The following NCOA2 variants were observed in gnomAD, a reference collection of about 807,000 sequenced individuals.
NCOA2 encodes class E basic helix-loop-helix protein 75.
Under a neutral mutation model 145.1 loss-of-function variants are expected in NCOA2, and 21 were observed. The ratio of observed to expected loss-of-function variants is 0.14; its 90% CI spans 0.10 to 0.21. The LOEUF is 0.21. Ranked by LOEUF, NCOA2 falls within the 10% of genes least tolerant of loss-of-function variation. The pLI, the probability that NCOA2 is intolerant of heterozygous loss-of-function variation, is 1.00. For missense variants in NCOA2, 1,472 were observed against 1,837.6 expected, an observed-to-expected ratio of 0.80 and a Z score of 3.64; for synonymous variants, 619 against 637.5, an observed-to-expected ratio of 0.97 and a Z score of 0.44.
intron 1 of NCOA2, among the ~76,000 whole-genome samples, chr8:70,400,530 C>CA (rs1814137145): frequency 1.3e-5 from 2 of 152,062 alleles, no homozygotes; most frequent in Non-Finnish European, 2.9e-5. Flanking sequence ...GGGCATATGT[C>CA]AGAGTGCCCA....
At chr8:70,341,911 A>G (rs1488577839) in intron 1 of NCOA2, among the ~76,000 whole-genome samples, 1 of 152,226 alleles carries the variant, frequency 6.6e-6, no homozygotes, top group Admixed American at 6.5e-5. Context: ...GCCATATTCC[A>G]TACAAAAACT....
intron 12 of NCOA2, among the ~76,000 whole-genome samples, chr8:70,146,847 C>T (rs998966626): frequency 1.4e-4 from 21 of 152,022 alleles, no homozygotes; most frequent in Admixed American, 1.3e-3. Flanking sequence ...AGGCGCCCAC[C>T]ATCATGCCCA....
intron 1 of NCOA2, among the ~76,000 whole-genome samples, chr8:70,363,650 A>G (rs1198777856): frequency 6.6e-6 from 1 of 152,202 alleles, no homozygotes; most frequent in Non-Finnish European, 1.5e-5. Context: ...CAGACTCAAA[A>G]GACTGTAGGA....
intron 22 of NCOA2, among the ~76,000 whole-genome samples, chr8:70,119,873 CTT>C (rs34652365): frequency 4.9e-5 from 7 of 144,162 alleles, no homozygotes; most frequent in Non-Finnish European, 3.1e-5. Flanking sequence ...CCTTTGTCCA[CTT>C]TTTTTTTTTT....
At chr8:70,273,691 A>G in intron 2 of NCOA2, 1 of 648,618 alleles carries the variant, frequency 1.5e-6, no homozygotes, top group African/African-American at 1.8e-5. Context: ...AGCTTGGTGC[A>G]GGCAGTCTGA....
At chr8:70,220,358 T>C (rs531001518) in intron 2 of NCOA2, among the ~76,000 whole-genome samples, 2 of 152,312 alleles carry the variant, frequency 1.3e-5, no homozygotes, top group African/African-American at 2.4e-5. Context: ...ATTACAGTCA[T>C]TGAGAGCAAA....
At chr8:70,176,306 T>C (rs976355203) in intron 4 of NCOA2, among the ~76,000 whole-genome samples, 2 of 152,218 alleles carry the variant, frequency 1.3e-5, no homozygotes, top group African/African-American at 2.4e-5. Flanking sequence ...GATTCACCTC[T>C]TTAGATCGAA....
chr8:70,399,859 T>C (rs1461963667), intron 1 of NCOA2, among the ~76,000 whole-genome samples: 1 of 152,202 alleles, frequency 6.6e-6, no homozygotes, highest in East Asian at 1.9e-4. Context: ...ACAAACAATT[T>C]TTCCTAAGAA....
intron 1 of NCOA2, among the ~76,000 whole-genome samples, chr8:70,377,417 TAGTAC>T (rs1811781713): frequency 1.3e-5 from 2 of 152,148 alleles, no homozygotes; most frequent in South Asian, 4.1e-4. Context: ...ATTTAGTATT[TAGTAC>T]ATTACATTTT....
chr8:70,125,818 T>C (rs980165462), intron 19 of NCOA2, among the ~76,000 whole-genome samples: 1 of 152,146 alleles, frequency 6.6e-6, no homozygotes, highest in African/African-American at 2.4e-5. Flanking sequence ...AAACAGAATT[T>C]AAACTAAAAG....
rs74811321 is a variant in NCOA2 at position 70,191,269 on chromosome 8, T to C, written c.260-16410A>G. ...AATTCTGAGTGACTACTATAATGAA[T>C]AGACAGAAATCAAAGATAAAACTTC... On this transcript the variant is annotated intron_variant, in intron 4 of 22. Transcript: ENST00000452400. Among the ~76,000 whole-genome samples, 901 of 152,340 alleles carry C rather than the reference T, an allele frequency of 5.9e-3. 5 individuals carry two copies. The highest frequency in any genetic ancestry group is 0.02 in the African/African-American group (838 of 41,578).
intron 1 of NCOA2, among the ~76,000 whole-genome samples, chr8:70,374,035 T>C (rs1163142896): frequency 2.0e-5 from 3 of 152,218 alleles, no homozygotes; most frequent in African/African-American, 7.2e-5. Flanking sequence ...TGTCAATTTC[T>C]ATAATTTTTC....
chr8:70,181,094 A>G (rs1405929597), intron 4 of NCOA2, among the ~76,000 whole-genome samples: 1 of 152,226 alleles, frequency 6.6e-6, no homozygotes, highest in Non-Finnish European at 1.5e-5. Flanking sequence ...TCAATTTTTT[A>G]TTAGGCAACT....
intron 22 of NCOA2, among the ~76,000 whole-genome samples, chr8:70,116,144 G>A (rs917697066): frequency 1.7e-4 from 24 of 141,618 alleles, no homozygotes; most frequent in Non-Finnish European, 2.4e-4. Flanking sequence ...CCGAGATTGC[G>A]CCACTGCACT....
chr8:70,424,590 G>A, the NCOA2 span: 4 of 477,888 alleles, frequency 8.4e-6, no homozygotes, highest in Admixed American at 8.6e-5. Flanking sequence ...AGCAGCACAA[G>A]CGGCGGTGTG....
intron 22 of NCOA2, among the ~76,000 whole-genome samples, chr8:70,120,236 A>G (rs1807649415): frequency 6.6e-6 from 1 of 152,234 alleles, no homozygotes; most frequent in African/African-American, 2.4e-5. Flanking sequence ...TTTTTAAAAA[A>G]GAGCTACCTA....
the NCOA2 span, among the ~76,000 whole-genome samples, chr8:70,440,700 GAAAGA>G: frequency 7.0e-6 from 1 of 142,670 alleles, no homozygotes; most frequent in Non-Finnish European, 1.5e-5. Flanking sequence ...AAAGAGGAAA[GAAAGA>G]AAAGAAGAAA....
At chr8:70,255,041 C>T (rs1289341394) in intron 2 of NCOA2, among the ~76,000 whole-genome samples, 3 of 152,002 alleles carry the variant, frequency 2.0e-5, no homozygotes, top group Non-Finnish European at 4.4e-5. Context: ...AGAAGGAAAA[C>T]AAAATAAAAT....
At chr8:70,387,815 A>G (rs1812809492) in intron 1 of NCOA2, among the ~76,000 whole-genome samples, 1 of 152,122 alleles carries the variant, frequency 6.6e-6, no homozygotes, top group Non-Finnish European at 1.5e-5. Context: ...CATCCACTGA[A>G]CTTCTGCCGC....
Sources: allele counts gnomAD v4.1 joint callset (sites outside exome capture counted in the v4.1 genomes callset), GRCh38; gene constraint gnomAD v4.1.1; transcripts MANE v1.5; gene names NCBI Gene and HGNC (gene_info 2026-07-23, HGNC 2026-07-21).